DENND1B: variants seen among roughly 807,000 people sequenced by gnomAD.
DENND1B encodes DENN domain containing 1B, also known as DENN domain-containing protein 1B.
DENND1B carries 59 observed loss-of-function variants against 90.1 expected under a neutral mutation model. That is an observed-to-expected ratio of 0.65 (90% CI 0.53 to 0.81). DENND1B has a LOEUF of 0.81. Ranked by LOEUF, DENND1B falls within the 40% of genes least tolerant of loss-of-function variation. The probability of loss-of-function intolerance (pLI) is 0.00; values close to 1 mark genes in which losing one functional copy is unlikely to be tolerated. For missense variants in DENND1B, 862 were observed against 912.6 expected (o/e 0.94, Z 0.71); for synonymous variants, 337 against 324.6 (o/e 1.04, Z -0.41).
intron 2 of DENND1B, among the ~76,000 whole-genome samples, chr1:197,733,622 A>T (rs1050202124): frequency 1.3e-5 from 2 of 152,184 alleles, no homozygotes; most frequent in Non-Finnish European, 2.9e-5. Flanking sequence ...CTCCTACTCA[A>T]CATGCACAAT....
chr1:197,643,953 T>C (rs1034207125), intron 9 of DENND1B, among the ~76,000 whole-genome samples: 2 of 152,220 alleles, frequency 1.3e-5, no homozygotes, highest in Non-Finnish European at 2.9e-5. Context: ...TATGACCTAG[T>C]AGGCTAAAAC....
intron 15 of DENND1B, among the ~76,000 whole-genome samples, chr1:197,565,589 T>A (rs1483834284): frequency 6.6e-6 from 1 of 151,208 alleles, no homozygotes; most frequent in Non-Finnish European, 1.5e-5. Flanking sequence ...GCTGCACCCA[T>A]TAACTCGTCA....
chr1:197,756,077 T>C (rs1026418496), intron 2 of DENND1B, among the ~76,000 whole-genome samples: 9 of 152,196 alleles, frequency 5.9e-5, no homozygotes, highest in Admixed American at 4.6e-4. Flanking sequence ...AAAAAATCTT[T>C]TTCACCAATG....
chr1:197,626,650 AG>A (rs1350310271), intron 10 of DENND1B, among the ~76,000 whole-genome samples: 2 of 152,164 alleles, frequency 1.3e-5, no homozygotes, highest in African/African-American at 2.4e-5. Flanking sequence ...TTCAAAAACT[AG>A]CAAAAGGCAA....
chr1:197,534,739 CATT>C (rs1472269651), intron 20 of DENND1B, among the ~76,000 whole-genome samples: 1 of 152,122 alleles, frequency 6.6e-6, no homozygotes, highest in Non-Finnish European at 1.5e-5. Flanking sequence ...AATGAATAGA[CATT>C]AGTTTCTCTG....
chr1:197,743,799 AT>A (rs1663440836), intron 2 of DENND1B, among the ~76,000 whole-genome samples: 1 of 152,168 alleles, frequency 6.6e-6, no homozygotes, highest in South Asian at 2.1e-4. Flanking sequence ...CCTGGGCAAC[AT>A]AGCAAGACCC....
At chr1:197,571,956 G>A (rs1229842984) in intron 15 of DENND1B, among the ~76,000 whole-genome samples, 1 of 152,136 alleles carries the variant, frequency 6.6e-6, no homozygotes, top group African/African-American at 2.4e-5. Flanking sequence ...GTTCCAAGAT[G>A]GCCAAATAGG....
chr1:197,569,225 ACAT>A (rs1672943230), intron 15 of DENND1B, among the ~76,000 whole-genome samples: 2 of 152,296 alleles, frequency 1.3e-5, no homozygotes, highest in Admixed American at 6.5e-5. Flanking sequence ...CCACAGTGAG[ACAT>A]CATGTCATAC....
chr1:197,769,183 A>G (rs1176274100), intron 2 of DENND1B, among the ~76,000 whole-genome samples: 5 of 152,194 alleles, frequency 3.3e-5, no homozygotes, highest in Non-Finnish European at 5.9e-5. Flanking sequence ...TCAACAAAAA[A>G]TTATATATTC....
chr1:197,731,666 C>T lies in DENND1B; in HGVS notation c.83-16592G>A, dbSNP rs77382277. Reference sequence around the variant, plus strand: ...GCCACAGTGGAAGAAGGAGAATCATCTCAGGCCCCACATAAAATATACTAA... The same window carrying T: ...GCCACAGTGGAAGAAGGAGAATCATTTCAGGCCCCACATAAAATATACTAA... On this transcript the variant is annotated intron_variant, in intron 2 of 22. Coordinates refer to ENST00000620048, the MANE Select transcript of DENND1B (RefSeq NM_001195215.2). Among the ~76,000 whole-genome samples the T allele has an allele frequency of 5.3e-3, 806 of 152,242 alleles. 9 individuals carry two copies. The highest frequency in any genetic ancestry group is 0.018 in the African/African-American group (749 of 41,540).
chr1:197,574,786 C>G (rs1262479675), intron 15 of DENND1B, among the ~76,000 whole-genome samples: 1 of 152,084 alleles, frequency 6.6e-6, no homozygotes, highest in Non-Finnish European at 1.5e-5. Flanking sequence ...GAAATAACAC[C>G]ACACAACTAC....
chr1:197,537,430 G>A (rs1347865019), intron 20 of DENND1B, among the ~76,000 whole-genome samples: 1 of 151,940 alleles, frequency 6.6e-6, no homozygotes, highest in Non-Finnish European at 1.5e-5. Flanking sequence ...ACACTGAATG[G>A]AACCCATTAT....
chr1:197,530,792 T>C (rs1275692252), intron 20 of DENND1B, among the ~76,000 whole-genome samples: 2 of 152,200 alleles, frequency 1.3e-5, no homozygotes, highest in East Asian at 3.8e-4. Context: ...ATAATGCCTA[T>C]AGCATCCTGG....
chr1:197,511,035 T>C, intron 22 of DENND1B, 63 bp from the exon 23 acceptor site: 1 of 1,390,394 alleles, frequency 7.2e-7, no homozygotes, highest in Non-Finnish European at 9.4e-7. Context: ...TAGTTCTTTT[T>C]TCTCTTTTGA....
chr1:197,732,198 A>G (rs1662214687), intron 2 of DENND1B, among the ~76,000 whole-genome samples: 2 of 152,202 alleles, frequency 1.3e-5, no homozygotes, highest in Non-Finnish European at 2.9e-5. Flanking sequence ...CTGTCTTAAA[A>G]GAGTAATTCC....
intron 13 of DENND1B, among the ~76,000 whole-genome samples, chr1:197,604,296 C>T (rs1008399094): frequency 1.3e-5 from 2 of 151,006 alleles, no homozygotes; most frequent in African/African-American, 2.4e-5. Context: ...CCTCCCTTAA[C>T]GAAAACAAAG....
intron 14 of DENND1B, among the ~76,000 whole-genome samples, chr1:197,583,752 G>A (rs1674452314): frequency 6.6e-6 from 1 of 152,128 alleles, no homozygotes. Context: ...ATACTTTCCA[G>A]GATAAGTCCT....
chr1:197,577,850 T>A (rs1260857882), intron 15 of DENND1B, among the ~76,000 whole-genome samples: 3 of 152,146 alleles, frequency 2.0e-5, no homozygotes, highest in Non-Finnish European at 4.4e-5. Context: ...ATGAGAGGTA[T>A]CTCAAACTCA....
intron 2 of DENND1B, chr1:197,735,498 T>A: frequency 2.5e-6 from 4 of 1,587,938 alleles, no homozygotes; most frequent in Non-Finnish European, 3.4e-6. Flanking sequence ...AAGTTTTGCT[T>A]AACAGTTTAT....
Sources: gnomAD v4.1 joint callset for allele counts (sites outside exome capture counted in the v4.1 genomes callset) on GRCh38, gnomAD v4.1.1 for gene constraint, MANE v1.5 for transcripts, NCBI Gene and HGNC (gene_info 2026-07-23, HGNC 2026-07-21) for gene names.